The following CD96 variants were observed in gnomAD, a reference collection of about 807,000 sequenced individuals.
CD96 encodes T-cell surface protein tactile.
CD96 carries 70 observed loss-of-function variants against 71.3 expected under a neutral mutation model. That is an observed-to-expected ratio of 0.98 (90% CI 0.81 to 1.20). CD96 has a LOEUF of 1.20. Ranked by LOEUF, CD96 falls within the 50% of genes most tolerant of loss-of-function variation. The pLI is 0.00. For missense variants in CD96, 742 were observed against 677.5 expected, an observed-to-expected ratio of 1.10 and a Z score of -1.06; for synonymous variants, 248 against 233.0, an observed-to-expected ratio of 1.06 and a Z score of -0.59.
chr3:111,606,523 G>C (rs567511469), intron 7 of CD96, among the ~76,000 whole-genome samples, 177 bp from the exon 8 acceptor site: 1 of 152,104 alleles, frequency 6.6e-6, no homozygotes, highest in Non-Finnish European at 1.5e-5. Context: ...CTTTAAGGAC[G>C]ATCCCATGTC....
At chr3:111,664,324 G>A (rs1256156192) in intron 14 of CD96, among the ~76,000 whole-genome samples, 3 of 152,146 alleles carry the variant, frequency 2.0e-5, no homozygotes, top group Admixed American at 6.5e-5. Context: ...ATACTATGCA[G>A]CCATTAAAAA....
chr3:111,600,125 G>A (rs751708736), intron 6 of CD96, among the ~76,000 whole-genome samples: 9 of 152,334 alleles, frequency 5.9e-5, no homozygotes, highest in South Asian at 2.1e-4. Flanking sequence ...ATTACAATAT[G>A]CAGCATATCC....
chr3:111,627,049 A>C (rs1257726397), intron 10 of CD96, among the ~76,000 whole-genome samples: 1 of 152,236 alleles, frequency 6.6e-6, no homozygotes, highest in Non-Finnish European at 1.5e-5. Flanking sequence ...GGGTATTAAG[A>C]GGGTGAAAAA....
In CD96 at chr3:111,596,958, A is replaced by G. The variant is rs76801563; in HGVS notation, c.808-1162A>G. The stretch of plus-strand genomic sequence containing the variant: ...TTGTTTCATTGGGATTTCTGTAGCA[A>G]TGTACTGAGAAATAGTAAACTTCTG... On this transcript the variant is annotated intron_variant, in intron 5 of 13. Coordinates refer to ENST00000352690, the MANE Select transcript of CD96 (RefSeq NM_005816.5). Among the ~76,000 whole-genome samples, 1,253 of 152,290 alleles carry G rather than the reference A, an allele frequency of 8.2e-3. 35 individuals are homozygous for G. The East Asian group carries it at 0.11, about 13-fold the overall frequency.
At chr3:111,565,238 G>A (rs1935651273) in intron 2 of CD96, among the ~76,000 whole-genome samples, 1 of 152,122 alleles carries the variant, frequency 6.6e-6, no homozygotes, top group Non-Finnish European at 1.5e-5. Flanking sequence ...GTTACTGATA[G>A]CACAGTGGTT....
At chr3:111,543,581 T>C (rs1576292083) in intron 1 of CD96, among the ~76,000 whole-genome samples, 1 of 152,162 alleles carries the variant, frequency 6.6e-6, no homozygotes, top group East Asian at 1.9e-4. Context: ...TAAGTAATAA[T>C]AAAGTTTAAA....
At chr3:111,583,217 A>C (rs1369934578) in intron 4 of CD96, among the ~76,000 whole-genome samples, 1 of 152,126 alleles carries the variant, frequency 6.6e-6, no homozygotes, top group Non-Finnish European at 1.5e-5. Context: ...TTCCAAAATG[A>C]TCTCCTTTGA....
At chr3:111,602,165 G>C (rs1321059903) in intron 7 of CD96, among the ~76,000 whole-genome samples, 3 of 152,178 alleles carry the variant, frequency 2.0e-5, no homozygotes, top group Non-Finnish European at 4.4e-5. Flanking sequence ...TTCTCACATA[G>C]ATTTGTCAGT....
exon 15 of CD96, chr3:111,665,615 C>A (rs1029145006): frequency 2.6e-5 from 4 of 152,204 alleles, no homozygotes; most frequent in Non-Finnish European, 5.9e-5. Flanking sequence ...AACTCCAGAG[C>A]AAACTTACCC....
rs763045944 is a variant in CD96 at position 111,585,344 on chromosome 3, T to TTAAC, written c.774_775insAACT (p.Val259AsnfsTer5). ...TAAGCTAAACCAGAAATCCCTGTGA[T>TTAAC]TGTGGAAAATAACTCCACGGATGTC... is the stretch of plus-strand genomic sequence containing the variant. On this transcript the variant is annotated frameshift_variant, in exon 5 of 14. Transcript: ENST00000352690. LOFTEE classifies it high-confidence loss of function. 13 of 1,611,576 alleles carry TTAAC rather than the reference T, an allele frequency of 8.1e-6. No individual in the cohort carries two copies. The highest frequency in any genetic ancestry group is 1.1e-5 in the Non-Finnish European group (13 of 1,177,842).
intron 7 of CD96, among the ~76,000 whole-genome samples, chr3:111,601,856 G>C (rs925759263): frequency 6.6e-6 from 1 of 152,190 alleles, no homozygotes; most frequent in Non-Finnish European, 1.5e-5. Context: ...AGGTGCAGTG[G>C]TTGGTTATGA....
At chr3:111,585,410 A>C in intron 5 of CD96, 32 bp downstream of exon 5, 2 of 1,385,984 alleles carry the variant, frequency 1.4e-6, no homozygotes, top group Non-Finnish European at 2.1e-6. Context: ...GAAAATCTAC[A>C]GTATTACATG....
chr3:111,606,171 A>C (rs1321723620), intron 7 of CD96, among the ~76,000 whole-genome samples: 1 of 152,196 alleles, frequency 6.6e-6, no homozygotes, highest in East Asian at 1.9e-4. Context: ...CAAAAATATT[A>C]TGACAAAAGT....
At chr3:111,577,444 G>A in intron 3 of CD96, 4 of 1,198,232 alleles carry the variant, frequency 3.3e-6, no homozygotes, top group Non-Finnish European at 5.0e-6. Context: ...GCTCCTCTGG[G>A]GGATCCTATC....
chr3:111,638,372 A>G (rs1939437054), intron 12 of CD96, among the ~76,000 whole-genome samples: 1 of 152,230 alleles, frequency 6.6e-6, no homozygotes, highest in African/African-American at 2.4e-5. Context: ...GACAAGTACT[A>G]TGATAAGGTG....
intron 2 of CD96, among the ~76,000 whole-genome samples, chr3:111,558,159 C>T (rs1439604263): frequency 8.6e-6 from 1 of 116,188 alleles, no homozygotes; most frequent in South Asian, 3.3e-4. Flanking sequence ...CAAACAGGGA[C>T]AATTTGACTT....
chr3:111,598,313 A>T, intron 6 of CD96, 103 bp downstream of exon 6: 1 of 730,408 alleles, frequency 1.4e-6, no homozygotes, highest in South Asian at 1.5e-5. Flanking sequence ...TTTAAGAATG[A>T]TTCTCATTCC....
At chr3:111,575,190 G>A (rs993531158) in intron 3 of CD96, among the ~76,000 whole-genome samples, 5 of 152,134 alleles carry the variant, frequency 3.3e-5, no homozygotes, top group African/African-American at 9.7e-5. Context: ...GATATTTGGA[G>A]GGAAATTGCT....
intron 5 of CD96, among the ~76,000 whole-genome samples, chr3:111,596,087 G>A (rs1429316043): frequency 3.3e-5 from 5 of 151,904 alleles, no homozygotes; most frequent in Non-Finnish European, 7.4e-5. Context: ...GCTTGAACCC[G>A]GGAGGTGGAG....
Sources: allele counts gnomAD v4.1 joint callset (sites outside exome capture counted in the v4.1 genomes callset), GRCh38; gene constraint gnomAD v4.1.1; transcripts MANE v1.5; gene names NCBI Gene and HGNC (gene_info 2026-07-23, HGNC 2026-07-21).